Variants in UGT1A3 observed in about 807,000 individuals in gnomAD.
The protein encoded by UGT1A3 is UDP-glucuronosyltransferase 1A3.
A neutral mutation model predicts 41.0 loss-of-function variants in UGT1A3; 31 were observed. The ratio of observed to expected loss-of-function variants is 0.76; its 90% confidence interval spans 0.57 to 1.02. The LOEUF is 1.02. UGT1A3 is among the 50% of genes least tolerant of loss of function. The pLI, the probability that UGT1A3 is intolerant of heterozygous loss-of-function variation, is 0.00. For synonymous variants in UGT1A3, 262 were observed against 257.6 expected (o/e 1.02, Z -0.17); for missense variants, 737 against 671.0 (o/e 1.10, Z -1.09).
chr2:233,757,535 AATATATATAT>A (rs67292694), intron 1 of UGT1A3, among the ~76,000 whole-genome samples: 5,616 of 88,332 alleles, frequency 0.064, 477 homozygotes, highest in Non-Finnish European at 0.086. Context: ...GCCTGTAAGG[AATATATATAT>A]ATATATATAT....
intron 1 of UGT1A3, among the ~76,000 whole-genome samples, chr2:233,739,549 T>C (rs1346005869): frequency 6.6e-6 from 1 of 152,244 alleles, no homozygotes; most frequent in Non-Finnish European, 1.5e-5. Context: ...AGCTTTAAGA[T>C]TTAATGACTG....
At chr2:233,734,280 C>A (rs2078507648) in intron 1 of UGT1A3, among the ~76,000 whole-genome samples, 1 of 152,066 alleles carries the variant, frequency 6.6e-6, no homozygotes, top group South Asian at 2.1e-4. Flanking sequence ...GGAATTTATC[C>A]ATTTCTTCTA....
Position 233,729,975 on chromosome 2 carries a change from C to T in UGT1A3, c.849C>T (p.Asn283=). 1 of 1,614,046 alleles carries T rather than the reference C, an allele frequency of 6.2e-7. No individual in the cohort carries two copies. The highest frequency in any genetic ancestry group is 8.5e-7 in the Non-Finnish European group (1 of 1,179,918). Residue 283 remains asparagine, a synonymous_variant, in exon 1 of 5, where the codon AAC becomes AAT. Transcript: ENST00000482026. ...TCATTGGGGGCATCAACTGTGCCAA[C>T]AGGAAGCCACTATCTCAGGTCTGTA... ...MVFIGGINCA[N]RKPLSQEFEA...
intron 1 of UGT1A3, among the ~76,000 whole-genome samples, chr2:233,758,574 AAG>A (rs1434533042): frequency 6.6e-5 from 10 of 152,190 alleles, no homozygotes; most frequent in Admixed American, 3.3e-4. Flanking sequence ...CTAAAAAATG[AAG>A]AGTGTTTGGG....
intron 1 of UGT1A3, among the ~76,000 whole-genome samples, chr2:233,764,416 C>T (rs559795881): frequency 6.6e-6 from 1 of 152,154 alleles, no homozygotes; most frequent in South Asian, 2.1e-4. Flanking sequence ...GTTTGCCCTG[C>T]GTGAATCTCC....
At chr2:233,766,993 T>C in intron 1 of UGT1A3, 41 bp from the exon 2 acceptor site, 1 of 1,613,496 alleles carries the variant, frequency 6.2e-7, no homozygotes, top group South Asian at 1.1e-5. Context: ...CATCAAAGAA[T>C]ATGAGAAAAA....
At chr2:233,742,895 GA>G in intron 1 of UGT1A3, 1 of 165,112 alleles carries the variant, frequency 6.1e-6, no homozygotes, top group Non-Finnish European at 1.3e-5. Flanking sequence ...TTTCCCAACG[GA>G]AAAAGGTAAT....
intron 1 of UGT1A3, chr2:233,754,965 T>A (rs1303021739): frequency 7.7e-7 from 1 of 1,306,100 alleles, no homozygotes; most frequent in East Asian, 4.6e-5. Flanking sequence ...GCCAAAGAAC[T>A]CCCTGAAGAC....
At position 233,760,643 on chromosome 2, in the gene UGT1A3, A is replaced by G. The variant is rs534521374; in HGVS notation, c.868-6391A>G. On this transcript the variant is annotated intron_variant, in intron 1 of 4. Coordinates refer to ENST00000482026, the MANE Select transcript of UGT1A3 (RefSeq NM_019093.4). ...AAAACATACAAGAAAATAAAAAAGG[A>G]CTCTGCTATGCTTTTGTCTGGCTGT... 5.0e-6 allele frequency: 8 copies of G among 1,614,148 alleles called. No individual in the cohort carries two copies. The South Asian group carries it at 8.8e-5, about 18-fold the overall frequency.
chr2:233,743,499 G>A (rs1692319680), intron 1 of UGT1A3: 1 of 1,367,148 alleles, frequency 7.3e-7, no homozygotes, highest in African/African-American at 1.5e-5. Context: ...CAGAGAAAAG[G>A]GGTGCAGACG....
intron 1 of UGT1A3, chr2:233,743,992 A>G: frequency 1.6e-6 from 2 of 1,255,210 alleles, no homozygotes; most frequent in South Asian, 1.3e-5. Context: ...CGCAGGCCCG[A>G]GTGCTCGGAG....
Position 233,729,503 on chromosome 2 carries a change from G to T in UGT1A3, c.377G>T (p.Arg126Met). 2 of 1,614,172 alleles carry T rather than the reference G, an allele frequency of 1.2e-6. No homozygotes were observed. The highest frequency in any genetic ancestry group is 1.7e-6 in the Non-Finnish European group (2 of 1,180,044). The change falls in exon 1 of 5, where the codon AGG becomes ATG. Residue 126 changes from arginine (R) to methionine (M), a missense_variant. Arg to Met is a moderately conservative substitution (Grantham distance 91). Coordinates refer to ENST00000482026, the MANE Select transcript of UGT1A3 (RefSeq NM_019093.4). ...AACAATATGTCTTTGGTCTATCATAGGTCTTGTGTGGAGCTACTACATAAT... is the reference window on the plus strand; with the variant it reads ...AACAATATGTCTTTGGTCTATCATATGTCTTGTGTGGAGCTACTACATAAT... ...MLNNMSLVYH[R>M]SCVELLHNEA... is the part of the protein sequence containing the mutation.
rs1298347226 is a variant in UGT1A3, at chr2:233,768,214, T to C, written c.1088-6T>C. ...CTGCTGACATCCTCCCTATTTTGCA[T>C]CTCAGGTCACCCGATGACCCGTGCC... On this transcript the variant is annotated splice_polypyrimidine_tract_variant and splice_region_variant and intron_variant, in intron 3 of 4. Coordinates refer to ENST00000482026, the MANE Select transcript of UGT1A3 (RefSeq NM_019093.4). The C allele has an allele frequency of 3.7e-6, 6 of 1,614,204 alleles. No homozygotes were observed. The highest frequency in any genetic ancestry group is 5.1e-6 in the Non-Finnish European group (6 of 1,180,044).
rs554048784 is a variant in UGT1A3, at chr2:233,732,559, A to G, written c.867+2566A>G. ...TTTTCCCAGCACCATTTATTAAATA[A>G]GGAATCCTTTCCCCATTGCTTGTTT... On this transcript the variant is annotated intron_variant, in intron 1 of 4. Coordinates refer to ENST00000482026, the MANE Select transcript of UGT1A3 (RefSeq NM_019093.4). Among the ~76,000 whole-genome samples the G allele has an allele frequency of 2.5e-3, 374 of 152,298 alleles. 2 individuals are homozygous for G. The highest frequency in any genetic ancestry group is 8.6e-3 in the African/African-American group (358 of 41,564).
At chr2:233,735,687 T>C (rs1251778606) in intron 1 of UGT1A3, among the ~76,000 whole-genome samples, 1 of 152,148 alleles carries the variant, frequency 6.6e-6, no homozygotes, top group African/African-American at 2.4e-5. Flanking sequence ...CTTTAGGAGC[T>C]CTTGTAAGGC....
Position 233,744,040 on chromosome 2 carries a change from C to A in UGT1A3, c.867+14047C>A. 9 of 766,390 alleles carry A rather than the reference C, an allele frequency of 1.2e-5. No individual in the cohort carries two copies. In the South Asian group the frequency reaches 1.4e-4, roughly 12 times the overall value. 47.5% of individuals were successfully genotyped at this position (766,390 alleles called of 1,614,324 possible). On this transcript the variant is annotated intron_variant, in intron 1 of 4. Transcript: ENST00000482026. ...TGGAGAGACGCCCCTTATGACGCAG[C>A]CACATCTCATTGGTCGAGGCCTATG...
At chr2:233,735,919 C>A (rs2078709385) in intron 1 of UGT1A3, among the ~76,000 whole-genome samples, 1 of 152,156 alleles carries the variant, frequency 6.6e-6, no homozygotes, top group South Asian at 2.1e-4. Context: ...GTAACCCGAC[C>A]TTTCTCTGTG....
At chr2:233,763,400 C>G (rs1260538739) in intron 1 of UGT1A3, among the ~76,000 whole-genome samples, 3 of 152,186 alleles carry the variant, frequency 2.0e-5, no homozygotes, top group African/African-American at 7.2e-5. Context: ...CAACATGGCA[C>G]TGGTATTTTT....
At chr2:233,747,651 G>T (rs566750548) in intron 1 of UGT1A3, 4 of 1,588,612 alleles carry the variant, frequency 2.5e-6, no homozygotes, top group African/African-American at 2.7e-5. Flanking sequence ...TACTTCCTTC[G>T]ATGTGGTTTT....
Sources: allele counts gnomAD v4.1 joint callset (sites outside exome capture counted in the v4.1 genomes callset), GRCh38; gene constraint gnomAD v4.1.1; transcripts MANE v1.5; gene names NCBI Gene and HGNC (gene_info 2026-07-23, HGNC 2026-07-21).